The following GPC2 variants were observed in gnomAD, a reference collection of about 807,000 sequenced individuals.
GPC2 encodes glypican-2.
In GPC2, 42 loss-of-function variants were observed where a neutral mutation model predicts 57.3. The observed-to-expected ratio is 0.73, with a 90% CI of 0.57 to 0.95. The LOEUF is 0.95. Among genes scored for constraint, GPC2 ranks in the 40% least tolerant of loss-of-function variants. GPC2 has a pLI of 0.00. For synonymous variants in GPC2, 364 were observed against 343.4 expected, an observed-to-expected ratio of 1.06 and a Z score of -0.66; for missense variants, 745 against 793.6, an observed-to-expected ratio of 0.94 and a Z score of 0.74.
intron 5 of GPC2, among the ~76,000 whole-genome samples, chr7:100,172,513 T>G (rs922085972): frequency 2.5e-4 from 37 of 150,758 alleles, no homozygotes; most frequent in Middle Eastern, 3.6e-3. Flanking sequence ...CCAGGCTGGA[T>G]GGAGTGCAGT....
At position 100,175,898 on chromosome 7, in the gene GPC2, C is replaced by G; in HGVS notation, c.326-4G>C. 2 of 1,612,322 alleles carry G rather than the reference C, an allele frequency of 1.2e-6. No homozygotes were observed. The highest frequency in any genetic ancestry group is 1.7e-6 in the Non-Finnish European group (2 of 1,178,640). Reference sequence around the variant, plus strand: ...GAGAGCATCTCCAGAAAAAACTCTGCAGCAAATGCAGGGAACAGGTGGAAG... The same window carrying G: ...GAGAGCATCTCCAGAAAAAACTCTGGAGCAAATGCAGGGAACAGGTGGAAG... On this transcript the variant is annotated splice_region_variant and splice_polypyrimidine_tract_variant and intron_variant, in intron 2 of 9. Transcript: ENST00000292377.
intron 3 of GPC2, among the ~76,000 whole-genome samples, chr7:100,175,312 GTGTT>G (rs1175871928): frequency 6.6e-6 from 1 of 152,238 alleles, no homozygotes; most frequent in Non-Finnish European, 1.5e-5. Flanking sequence ...GGGCAGGTGA[GTGTT>G]TGTGTGAAAC....
At chr7:100,172,757 A>ATATG (rs1362094145) in intron 5 of GPC2, among the ~76,000 whole-genome samples, 1 of 134,486 alleles carries the variant, frequency 7.4e-6, no homozygotes, top group African/African-American at 2.6e-5. Context: ...GTGTATATAT[A>ATATG]TGTGTGTATA....
Position 100,171,732 on chromosome 7 carries a change from C to T in GPC2, c.1170+47G>A. 1 of 1,130,416 alleles carries T rather than the reference C, an allele frequency of 8.8e-7. No individual in the cohort carries two copies. The highest frequency in any genetic ancestry group is 1.3e-6 in the Non-Finnish European group (1 of 796,914). 70.0% of individuals were successfully genotyped at this position (1,130,416 alleles called of 1,614,324 possible). On this transcript the variant is annotated intron_variant, in intron 7 of 9. Transcript: ENST00000292377. This position sits in a 1 kb window ranked among gnomAD's most constrained non-coding sequence, Gnocchi z 4.8. ...CTGGAGCGCGACCCCCACAACCATC[C>T]CCGGCCCCGGGCCCCCCCGCCCCCA...
At chr7:100,172,308 G>A in intron 5 of GPC2, 91 bp from the exon 6 acceptor site, 2 of 1,397,464 alleles carry the variant, frequency 1.4e-6, no homozygotes, top group African/African-American at 2.9e-5. Flanking sequence ...CCTTAGAGAA[G>A]CAGCAAAGTG....
intron 2 of GPC2, 38 bp downstream of exon 2, chr7:100,176,157 AAGCACCGAGAGG>A: frequency 6.6e-7 from 1 of 1,523,136 alleles, no homozygotes; most frequent in Non-Finnish European, 8.9e-7. Flanking sequence ...CTGGGGTCCT[AAGCACCGAGAGG>A]AGCTGTGAAG....
intron 4 of GPC2, 104 bp downstream of exon 4, chr7:100,174,581 C>G: frequency 1.2e-6 from 1 of 842,186 alleles, no homozygotes; most frequent in East Asian, 2.6e-5. Flanking sequence ...CAGACAGAGC[C>G]CAAGGCCTGT....
chr7:100,173,722 G>C (rs1353280589), intron 5 of GPC2, 113 bp downstream of exon 5: 1 of 671,946 alleles, frequency 1.5e-6, no homozygotes, highest in African/African-American at 1.9e-5. Flanking sequence ...TGTTGCCCCA[G>C]CTGGGCTCCA....
rs777843642 is a variant in GPC2, at chr7:100,171,341, C to T, written c.1406G>A (p.Arg469Gln). The T allele has an allele frequency of 1.2e-5, 19 of 1,544,570 alleles. No homozygotes were observed. The South Asian group carries it at 2.0e-4, about 16-fold the overall frequency. Residue 469 changes from arginine (R) to glutamine (Q), a missense_variant, in exon 9 of 10, where the codon CGG (arginine) becomes CAG (glutamine). Physicochemically the swap from Arg to Gln is conservative, Grantham distance 43. Transcript: ENST00000292377. This position sits in a 1 kb window ranked among gnomAD's most constrained non-coding sequence, Gnocchi z 4.8. The part of the protein sequence containing the change: ...DASGPDVPTR[R>Q]RRLQLRAATA... Reference sequence around the variant, plus strand: ...GGCCGCCCGGAGCTGTAGCCGACGCCGCCGTGTCGGGACATCGGGGCCCGA... The same window carrying T: ...GGCCGCCCGGAGCTGTAGCCGACGCTGCCGTGTCGGGACATCGGGGCCCGA...
rs1173915729 is a variant in GPC2 at position 100,170,443 on chromosome 7, T to G, written c.1527A>C (p.Ala509=). The stretch of plus-strand genomic sequence containing the variant: ...CCACAGCCCCAGCCATCCAGTCATC[T>G]GCATACTGCTGTCCCCCTCCAGAGC... ...ASGSGGGQQY[A]DDWMAGAVAP... Residue 509 remains alanine, a synonymous_variant, in exon 10 of 10, where the codon GCA becomes GCC. Transcript: ENST00000292377. 1.9e-6 allele frequency: 3 copies of G among 1,596,874 alleles called. No individual in the cohort carries two copies. The Admixed American group carries it at 5.1e-5, about 27-fold the overall frequency.
chr7:100,176,091 G>GGAA, intron 2 of GPC2, 116 bp downstream of exon 2: 1 of 965,806 alleles, frequency 1.0e-6, no homozygotes, highest in South Asian at 1.7e-5. Flanking sequence ...GGGTGGGCGG[G>GGAA]CTGGGAGGGG....
In GPC2 at chr7:100,173,865, C is replaced by T. The variant is rs759533010; in HGVS notation, c.862G>A (p.Gly288Arg). 1 of 1,586,854 alleles carries T rather than the reference C, an allele frequency of 6.3e-7. No homozygotes were observed. The highest frequency in any genetic ancestry group is 1.8e-5 in the Admixed American group (1 of 56,302). ...NVVRGCLSSR[G>R]LEPDWGNYLD... ...TAGTTGCCCCAGTCAGGCTCCAGTC[C>T]CCTGCTGCTGAGACAGCCACGAACC... Residue 288 changes from glycine to arginine, a missense_variant, in exon 5 of 10, where the codon GGA (glycine) becomes AGA (arginine). Gly to Arg is a moderately radical substitution (Grantham distance 125). Around this residue, in one of 2 missense-constraint regions of GPC2, gnomAD observed 607 missense variants for 603.9 expected, o/e 1.01. Transcript: ENST00000292377.
At chr7:100,173,192 C>T (rs915259439) in intron 5 of GPC2, among the ~76,000 whole-genome samples, 3 of 152,166 alleles carry the variant, frequency 2.0e-5, no homozygotes, top group African/African-American at 4.8e-5. Context: ...GTCTTGAACT[C>T]CTGACCTGTC....
Position 100,175,777 on chromosome 7 carries a change from A to G in GPC2, c.443T>C (p.Leu148Pro), listed in dbSNP as rs1328748382. The G allele has an allele frequency of 6.2e-7, 1 of 1,614,010 alleles. No individual in the cohort carries two copies. The highest frequency in any genetic ancestry group is 2.2e-5 in the East Asian group (1 of 44,880). Residue 148 changes from leucine (L) to proline (P), a missense_variant, in exon 3 of 10, where the codon CTG (leucine) becomes CCG (proline). Physicochemically the swap from Leu to Pro is moderately conservative, Grantham distance 98. This residue lies in a region of GPC2 where 138 missense variants were observed against 189.8 expected (regional missense o/e 0.73). Transcript: ENST00000292377. ...ALIFNGLFSR[L>P]RDFYGESGEG... Reference sequence around the variant, plus strand: ...ACCAGATTCCCCATAGAAGTCTCGCAGCCGAGAGAACAGGCCATTGAATAT... The same window carrying G: ...ACCAGATTCCCCATAGAAGTCTCGCGGCCGAGAGAACAGGCCATTGAATAT...
intron 9 of GPC2, among the ~76,000 whole-genome samples, chr7:100,170,705 G>C (rs1799162699): frequency 6.6e-6 from 1 of 151,778 alleles, no homozygotes; most frequent in Non-Finnish European, 1.5e-5. Context: ...ATCATGATGG[G>C]AGACAGTGAG....
rs1799172430 is a variant in GPC2 at position 100,171,323 on chromosome 7, C to G, written c.1424G>C (p.Arg475Pro). Reference sequence around the variant, plus strand: ...CGTTTTCATTCTGGCCGTGGCCGCCCGGAGCTGTAGCCGACGCCGCCGTGT... The same window carrying G: ...CGTTTTCATTCTGGCCGTGGCCGCCGGGAGCTGTAGCCGACGCCGCCGTGT... ...VPTRRRRLQL[R>P]AATARMKTAA... is the part of the protein sequence containing the mutation. Residue 475 changes from arginine to proline, a missense_variant, in exon 9 of 10, where the codon CGG (arginine) becomes CCG (proline). Physicochemically the swap from Arg to Pro is moderately radical, Grantham distance 103. This residue lies in a region of GPC2 where 607 missense variants were observed against 603.9 expected (regional missense o/e 1.01). Coordinates refer to ENST00000292377, the MANE Select transcript of GPC2 (RefSeq NM_152742.3). The surrounding 1 kb of genome is among the most constrained non-coding windows in gnomAD (Gnocchi z 4.8). 1.3e-6 allele frequency: 2 copies of G among 1,543,956 alleles called. No individual in the cohort carries two copies. The highest frequency in any genetic ancestry group is 2.0e-5 in the Admixed American group (1 of 50,874).
intron 5 of GPC2, among the ~76,000 whole-genome samples, chr7:100,172,707 A>G (rs1270375919): frequency 1.2e-3 from 112 of 93,372 alleles, no homozygotes; most frequent in East Asian, 4.2e-3. Context: ...ACGTGTATAT[A>G]TATGTATATA....
At chr7:100,175,985 G>A in intron 2 of GPC2, 91 bp from the exon 3 acceptor site, 1 of 1,075,484 alleles carries the variant, frequency 9.3e-7, no homozygotes, top group Non-Finnish European at 1.4e-6. Flanking sequence ...AGATGGGAGA[G>A]AAGAGAAAAG....
rs779093527 is a variant in GPC2, at chr7:100,171,908, G to C, written c.1041C>G (p.Gly347=). 2.0e-6 allele frequency: 3 copies of C among 1,496,712 alleles called. No homozygotes were observed. The highest frequency in any genetic ancestry group is 2.6e-5 in the South Asian group (2 of 77,202). The allele number at this position is 1,496,712 out of a possible 1,614,324, so 92.7% of individuals were successfully genotyped here. The change falls in exon 7 of 10, where the codon GGC becomes GGG. Residue 347 remains glycine, a synonymous_variant. Coordinates refer to ENST00000292377, the MANE Select transcript of GPC2 (RefSeq NM_152742.3). This position sits in a 1 kb window ranked among gnomAD's most constrained non-coding sequence, Gnocchi z 4.8. ...TGCGGGCAGGCACCGGGTCGGGGGG[G>C]CCGCACTCCTGAAACACCTGCGGCA... is the stretch of plus-strand genomic sequence containing the variant. ...KVSAQVFQEC[G]PPDPVPARNR...
Sources: allele counts gnomAD v4.1 joint callset (sites outside exome capture counted in the v4.1 genomes callset), GRCh38; gene constraint gnomAD v4.1.1; regional missense constraint gnomAD v4.1.1; non-coding constraint Gnocchi (gnomAD v3.1); transcripts MANE v1.5; gene names NCBI Gene and HGNC (gene_info 2026-07-23, HGNC 2026-07-21).